Variants in RBFOX1 observed in about 807,000 individuals in gnomAD.
RBFOX1 encodes the protein RNA binding protein fox-1 homolog 1.
RBFOX1 carries 8 observed loss-of-function variants against 57.7 expected under a neutral mutation model. The observed-to-expected ratio is 0.14, with a 90% confidence interval of 0.08 to 0.25. RBFOX1 has a LOEUF of 0.25. RBFOX1 is among the 10% of genes least tolerant of loss of function. The pLI is 1.00. For missense variants in RBFOX1, 611 were observed against 548.5 expected (o/e 1.11, Z -1.14); for synonymous variants, 326 against 222.4 (o/e 1.47, Z -4.15).
Position 6,663,558 on chromosome 16 carries a change from GT to G in RBFOX1, c.-16+8911del, listed in dbSNP as rs551803233. ...TAGAATGGGGAGTATTCATGAAGGA[GT>G]TTCCCTTCAAAGACCAAAGCGAAGA... is the stretch of plus-strand genomic sequence containing the variant. On this transcript the variant is annotated intron_variant, in intron 3 of 15. Coordinates refer to ENST00000550418, the MANE Select transcript of RBFOX1 (RefSeq NM_018723.4). 8.5e-5 allele frequency among the ~76,000 whole-genome samples: 13 copies of G among 152,308 alleles called. No homozygotes were observed. The East Asian group carries it at 2.3e-3, about 27-fold the overall frequency.
chr16:7,575,425 A>C (rs918217193), intron 5 of RBFOX1, among the ~76,000 whole-genome samples: 3 of 151,872 alleles, frequency 2.0e-5, no homozygotes, highest in African/African-American at 7.3e-5. Context: ...AAGCCACCGC[A>C]CCCGACCCTA....
At chr16:5,708,648 C>T (rs1164875602) in intron 3 of RBFOX1, among the ~76,000 whole-genome samples, 1 of 152,134 alleles carries the variant, frequency 6.6e-6, no homozygotes, top group Non-Finnish European at 1.5e-5. Flanking sequence ...CCCTAATATA[C>T]AAACAGATAC....
At chr16:7,647,149 A>G (rs28716316) in intron 11 of RBFOX1, among the ~76,000 whole-genome samples, 1 of 152,198 alleles carries the variant, frequency 6.6e-6, no homozygotes, top group Admixed American at 6.5e-5. Context: ...CTTATTCCCA[A>G]GAACTGAGAT....
chr16:7,434,318 A>G (rs971631882), intron 4 of RBFOX1, among the ~76,000 whole-genome samples: 1 of 152,032 alleles, frequency 6.6e-6, no homozygotes, highest in African/African-American at 2.4e-5. Context: ...AAAAATACAA[A>G]AAAATTAGCT....
intron 3 of RBFOX1, among the ~76,000 whole-genome samples, chr16:6,859,687 T>G (rs2058667089): frequency 6.6e-6 from 1 of 152,222 alleles, no homozygotes; most frequent in South Asian, 2.1e-4. Context: ...AATTCAAATT[T>G]TTTAATCGAC....
At chr16:6,836,852 G>T (rs577146132) in intron 3 of RBFOX1, among the ~76,000 whole-genome samples, 1 of 152,300 alleles carries the variant, frequency 6.6e-6, no homozygotes, top group Non-Finnish European at 1.5e-5. Context: ...CCATGATGCA[G>T]AATACTTACT....
At chr16:6,056,574 T>G (rs887741011) in intron 1 of RBFOX1, among the ~76,000 whole-genome samples, 7 of 152,224 alleles carry the variant, frequency 4.6e-5, no homozygotes, top group African/African-American at 1.7e-4. Flanking sequence ...CCTTTTTTAT[T>G]TCTCCTCTGC....
intron 2 of RBFOX1, among the ~76,000 whole-genome samples, chr16:5,587,414 TA>T (rs1319855070): frequency 2.0e-5 from 3 of 152,192 alleles, no homozygotes; most frequent in African/African-American, 7.2e-5. Context: ...GGCTAGAATC[TA>T]AAAGTCAGAT....
At chr16:7,554,533 C>G (rs1386444829) in intron 5 of RBFOX1, among the ~76,000 whole-genome samples, 1 of 152,150 alleles carries the variant, frequency 6.6e-6, no homozygotes, top group African/African-American at 2.4e-5. Flanking sequence ...CTTAGCTTCT[C>G]TAGATCTGCT....
intron 4 of RBFOX1, among the ~76,000 whole-genome samples, chr16:5,955,665 G>C (rs756345635): frequency 3.3e-5 from 5 of 152,076 alleles, no homozygotes; most frequent in Non-Finnish European, 7.3e-5. Context: ...AAAACTGATA[G>C]ACTTCACCAC....
At chr16:6,377,089 A>G (rs1445465363) in intron 2 of RBFOX1, among the ~76,000 whole-genome samples, 1 of 151,784 alleles carries the variant, frequency 6.6e-6, no homozygotes, top group Admixed American at 6.6e-5. Flanking sequence ...CCTGGGCAAC[A>G]TGGAAAAATT....
At chr16:7,417,438 T>C (rs2098491645) in intron 4 of RBFOX1, among the ~76,000 whole-genome samples, 1 of 150,910 alleles carries the variant, frequency 6.6e-6, no homozygotes, top group Admixed American at 6.6e-5. Context: ...TGGTAACATC[T>C]TATATAACCA....
intron 1 of RBFOX1, among the ~76,000 whole-genome samples, chr16:6,069,621 G>A (rs758892410): frequency 3.3e-5 from 5 of 152,138 alleles, no homozygotes; most frequent in Non-Finnish European, 4.4e-5. Context: ...CGCAAACTTA[G>A]TTATTTTAGG....
chr16:6,214,876 G>A (rs1205646903), intron 1 of RBFOX1, among the ~76,000 whole-genome samples: 2 of 115,056 alleles, frequency 1.7e-5, no homozygotes, highest in Non-Finnish European at 3.7e-5. Flanking sequence ...AGAAGGCGAG[G>A]GGAGAAGGAG....
intron 4 of RBFOX1, among the ~76,000 whole-genome samples, chr16:7,277,717 A>G (rs9932797): frequency 1.1e-4 from 17 of 152,324 alleles, no homozygotes; most frequent in South Asian, 8.3e-4. Flanking sequence ...AAGGACTTCT[A>G]TAGGCACAGA....
At chr16:6,963,168 C>T (rs927821977) in intron 3 of RBFOX1, among the ~76,000 whole-genome samples, 3 of 152,114 alleles carry the variant, frequency 2.0e-5, no homozygotes, top group African/African-American at 7.2e-5. Flanking sequence ...CCACCCAAGC[C>T]TAGCACTGCT....
chr16:7,550,445 CGTGTTGTCCCA>C (rs1445804088), intron 5 of RBFOX1, among the ~76,000 whole-genome samples: 1 of 152,074 alleles, frequency 6.6e-6, no homozygotes, highest in Non-Finnish European at 1.5e-5. Flanking sequence ...GCAGCAGAGC[CGTGTTGTCCCA>C]TTGAATGTCT....
intron 4 of RBFOX1, among the ~76,000 whole-genome samples, chr16:7,179,687 C>T (rs1251457544): frequency 2.0e-5 from 3 of 151,996 alleles, no homozygotes; most frequent in Non-Finnish European, 4.4e-5. Flanking sequence ...CATTGTCCTT[C>T]ATTTGTATAT....
At chr16:6,841,378 A>G (rs1199157399) in intron 3 of RBFOX1, among the ~76,000 whole-genome samples, 7 of 152,194 alleles carry the variant, frequency 4.6e-5, no homozygotes, top group East Asian at 1.9e-4. Context: ...AAATAGCCTC[A>G]CTCACACTAA....
Sources: gnomAD v4.1 joint callset for allele counts (sites outside exome capture counted in the v4.1 genomes callset) on GRCh38, gnomAD v4.1.1 for gene constraint, MANE v1.5 for transcripts, NCBI Gene and HGNC (gene_info 2026-07-23, HGNC 2026-07-21) for gene names.